Variants in PTPRT observed in about 807,000 individuals in gnomAD.
PTPRT encodes the protein receptor-type tyrosine-protein phosphatase T.
In PTPRT, 56 loss-of-function variants were observed where a neutral mutation model predicts 176.8. That is an observed-to-expected ratio of 0.32 (90% CI 0.26 to 0.40). The LOEUF (loss-of-function observed/expected upper bound fraction) is 0.40, where lower values mean the gene tolerates loss of function less well. Ranked by LOEUF, PTPRT falls within the 10% of genes least tolerant of loss-of-function variation. The pLI is 1.00. For synonymous variants in PTPRT, 783 were observed against 739.0 expected (o/e 1.06, Z -0.96); for missense variants, 1,540 against 1,908.2 (o/e 0.81, Z 3.60).
chr20:42,743,810 G>T (rs2076649175), intron 6 of PTPRT, among the ~76,000 whole-genome samples: 1 of 152,236 alleles, frequency 6.6e-6, no homozygotes, highest in African/African-American at 2.4e-5. Flanking sequence ...CAACTGTTGA[G>T]ATACGGCTGT....
intron 12 of PTPRT, among the ~76,000 whole-genome samples, chr20:42,288,034 A>G (rs1026897151): frequency 2.0e-5 from 3 of 152,000 alleles, no homozygotes; most frequent in African/African-American, 7.2e-5. Context: ...ATGCAAATTT[A>G]AGCATTTAAA....
intron 13 of PTPRT, among the ~76,000 whole-genome samples, chr20:42,269,481 A>G (rs1324102146): frequency 6.6e-6 from 1 of 152,232 alleles, no homozygotes; most frequent in Non-Finnish European, 1.5e-5. Context: ...ATTGACTAAA[A>G]AGGGACCCTG....
chr20:42,520,950 G>A lies in PTPRT; in HGVS notation c.1154-48388C>T, dbSNP rs567685292. Among the ~76,000 whole-genome samples the A allele has an allele frequency of 4.7e-3, 703 of 150,264 alleles. 11 individuals are homozygous for A. Among genetic ancestry groups the A allele is most frequent in the African/African-American group, 0.016 (662 of 40,222 alleles). ...CTATCTACCTATCATCTATCTATCC[G>A]TCCACCCACCAACCTACATACATAT... On this transcript the variant is annotated intron_variant, in intron 7 of 30. Transcript: ENST00000373187.
At chr20:42,815,212 T>C (rs542582117) in intron 2 of PTPRT, among the ~76,000 whole-genome samples, 1 of 152,302 alleles carries the variant, frequency 6.6e-6, no homozygotes, top group South Asian at 2.1e-4. Context: ...GCACGTTCAT[T>C]TGCAGAAGCT....
chr20:42,167,879 T>C (rs2206168), intron 16 of PTPRT, among the ~76,000 whole-genome samples: 94,164 of 152,044 alleles, frequency 0.62, 29,998 homozygotes, highest in African/African-American at 0.76. Context: ...GAACCAACCC[T>C]CTGTGGAGTT....
chr20:42,951,558 G>A (rs1443838260), intron 1 of PTPRT, among the ~76,000 whole-genome samples: 3 of 152,164 alleles, frequency 2.0e-5, no homozygotes, highest in Non-Finnish European at 4.4e-5. Context: ...ATTCAGCACT[G>A]GATATCTGAG....
Position 42,652,298 on chromosome 20 carries a change from C to T in PTPRT, c.1153+25568G>A, listed in dbSNP as rs570641795. 8.5e-5 allele frequency among the ~76,000 whole-genome samples: 13 copies of T among 152,278 alleles called. No individual in the cohort carries two copies. The South Asian group carries it at 2.3e-3, about 27-fold the overall frequency. On this transcript the variant is annotated intron_variant, in intron 7 of 30. Coordinates refer to ENST00000373187, the MANE Select transcript of PTPRT (RefSeq NM_007050.6). The stretch of plus-strand genomic sequence containing the variant: ...CATTGCCATTTGCATGCTTAGACCA[C>T]GTAGCCCTTCATTCATTTAACAGAA...
chr20:42,679,116 G>A (rs771424924), intron 6 of PTPRT, among the ~76,000 whole-genome samples: 2 of 152,156 alleles, frequency 1.3e-5, no homozygotes, highest in South Asian at 2.1e-4. Context: ...TGAGTTCCAC[G>A]CAGTCAGCTA....
chr20:42,795,118 T>G (rs983132904), intron 2 of PTPRT, among the ~76,000 whole-genome samples: 1 of 151,968 alleles, frequency 6.6e-6, no homozygotes, highest in Admixed American at 6.6e-5. Context: ...GAGCCGGTCA[T>G]TACGCCAAGA....
intron 7 of PTPRT, among the ~76,000 whole-genome samples, chr20:42,593,093 G>A (rs946297105): frequency 6.6e-6 from 1 of 152,166 alleles, no homozygotes; most frequent in Non-Finnish European, 1.5e-5. Context: ...AAAGGCAGAG[G>A]CAAAAACCGA....
chr20:42,959,971 A>G (rs1981894105), intron 1 of PTPRT, among the ~76,000 whole-genome samples: 1 of 151,982 alleles, frequency 6.6e-6, no homozygotes, highest in Non-Finnish European at 1.5e-5. Context: ...AGGTTCCTAG[A>G]ACAACATCAC....
chr20:42,230,292 C>T (rs2056107235), intron 15 of PTPRT, among the ~76,000 whole-genome samples: 1 of 152,170 alleles, frequency 6.6e-6, no homozygotes, highest in Admixed American at 6.5e-5. Flanking sequence ...AGGCATTTGT[C>T]CAAGGCTAAG....
chr20:42,152,001 T>C (rs1473878486), intron 17 of PTPRT, among the ~76,000 whole-genome samples: 1 of 152,222 alleles, frequency 6.6e-6, no homozygotes, highest in Non-Finnish European at 1.5e-5. Flanking sequence ...TTAACACATT[T>C]ACTGATGTCG....
chr20:42,648,842 A>T (rs1212284703), intron 7 of PTPRT, among the ~76,000 whole-genome samples: 1 of 96,568 alleles, frequency 1.0e-5, no homozygotes, highest in African/African-American at 6.7e-5. Context: ...TTTTTTTGAC[A>T]GAGTCTGGCT....
intron 6 of PTPRT, among the ~76,000 whole-genome samples, chr20:42,692,626 C>T (rs921421500): frequency 6.6e-6 from 1 of 152,006 alleles, no homozygotes; most frequent in Non-Finnish European, 1.5e-5. Context: ...CTGATTTCCC[C>T]AATTCTACTG....
intron 7 of PTPRT, among the ~76,000 whole-genome samples, chr20:42,486,599 T>C (rs2145354481): frequency 1.3e-5 from 2 of 152,286 alleles, no homozygotes. Context: ...GTCACCATAG[T>C]GCTGTATAAC....
chr20:43,120,421 G>A (rs1236700871), intron 1 of PTPRT, among the ~76,000 whole-genome samples: 3 of 152,032 alleles, frequency 2.0e-5, no homozygotes, highest in African/African-American at 7.2e-5. Context: ...ACAGGTGCCC[G>A]CCACCACGTC....
intron 9 of PTPRT, among the ~76,000 whole-genome samples, chr20:42,353,073 T>C (rs1202203492): frequency 6.6e-6 from 1 of 152,260 alleles, no homozygotes; most frequent in Non-Finnish European, 1.5e-5. Flanking sequence ...TATGAAGTCT[T>C]ACAAATATGT....
intron 1 of PTPRT, among the ~76,000 whole-genome samples, chr20:43,088,072 C>T (rs1431430808): frequency 3.3e-5 from 5 of 152,034 alleles, no homozygotes; most frequent in East Asian, 3.9e-4. Context: ...AATGTTGAGA[C>T]GATGGATATG....
Sources: gnomAD v4.1 joint callset for allele counts (sites outside exome capture counted in the v4.1 genomes callset) on GRCh38, gnomAD v4.1.1 for gene constraint, MANE v1.5 for transcripts, NCBI Gene and HGNC (gene_info 2026-07-23, HGNC 2026-07-21) for gene names.